NUP214: variants seen among roughly 807,000 people sequenced by gnomAD.
The protein encoded by NUP214 is nucleoporin 214, also known as nuclear pore complex protein Nup214.
NUP214 carries 79 observed loss-of-function variants against 196.2 expected under a neutral mutation model. That is an observed-to-expected ratio of 0.40 (90% CI 0.34 to 0.49). The LOEUF (loss-of-function observed/expected upper bound fraction) is 0.49. Ranked by LOEUF, NUP214 falls within the 20% of genes least tolerant of loss-of-function variation. The pLI is 0.58. For missense variants in NUP214, 2,468 were observed against 2,539.0 expected, an observed-to-expected ratio of 0.97 and a Z score of 0.60; for synonymous variants, 1,020 against 990.5, an observed-to-expected ratio of 1.03 and a Z score of -0.56.
At chr9:131,155,035 G>A (rs866074307) in intron 17 of NUP214, among the ~76,000 whole-genome samples, 7 of 152,306 alleles carry the variant, frequency 4.6e-5, no homozygotes, top group South Asian at 2.1e-4. Flanking sequence ...GGATCAAATG[G>A]TAGGTACTTT....
intron 21 of NUP214, chr9:131,164,838 G>T (rs1832741652): frequency 6.6e-6 from 1 of 152,034 alleles, no homozygotes; most frequent in African/African-American, 2.4e-5. Context: ...TCAATTTAAA[G>T]AAAAATTTGT....
intron 17 of NUP214, among the ~76,000 whole-genome samples, chr9:131,152,778 GA>G (rs1211194724): frequency 6.6e-6 from 1 of 151,546 alleles, no homozygotes; most frequent in Admixed American, 6.6e-5. Context: ...CTTTTCTCTT[GA>G]AAAAAAATTT....
intron 17 of NUP214, among the ~76,000 whole-genome samples, chr9:131,155,134 C>T (rs1359411582): frequency 6.6e-6 from 1 of 152,190 alleles, no homozygotes; most frequent in Admixed American, 6.5e-5. Context: ...TCCCTTTTCA[C>T]CACATCCACA....
chr9:131,140,924 C>T (rs558842353), intron 11 of NUP214, among the ~76,000 whole-genome samples: 2 of 152,214 alleles, frequency 1.3e-5, no homozygotes, highest in South Asian at 2.1e-4. Flanking sequence ...TACTTTACTT[C>T]GGAGATGAAG....
rs1831428646 is a variant in NUP214 at position 131,128,380 on chromosome 9, A to G, written c.290A>G (p.His97Arg). 1 of 1,613,126 alleles carries G rather than the reference A, an allele frequency of 6.2e-7. No individual in the cohort carries two copies. The highest frequency in any genetic ancestry group is 8.5e-7 in the Non-Finnish European group (1 of 1,179,462). ...GTTCCTATGAAATTCCCAATCCATCACCTGGCCTTGAGCTGTGATAACCTC... is the reference window on the plus strand; with the variant it reads ...GTTCCTATGAAATTCCCAATCCATCGCCTGGCCTTGAGCTGTGATAACCTC... The part of the protein sequence containing the change: ...LLVPMKFPIH[H>R]LALSCDNLTL... Residue 97 changes from histidine (H) to arginine (R), a missense_variant, in exon 3 of 36, where the codon CAC becomes CGC. By Grantham distance (29) the His-to-Arg change is conservative. Around this residue, in one of 5 missense-constraint regions of NUP214, gnomAD observed 392 missense variants for 417.9 expected, o/e 0.94. Coordinates refer to ENST00000359428, the MANE Select transcript of NUP214 (RefSeq NM_005085.4).
Position 131,150,416 on chromosome 9 carries a change from T to C in NUP214, c.2127+6T>C. 1.2e-6 allele frequency: 2 copies of C among 1,613,930 alleles called. No individual in the cohort carries two copies. The highest frequency in any genetic ancestry group is 1.7e-6 in the Non-Finnish European group (2 of 1,179,864). On this transcript the variant is annotated splice_donor_region_variant and intron_variant, in intron 15 of 35. Transcript: ENST00000359428. ...TGGCTGGAATTGGGGAGGAGGTAAA[T>C]TTGTTTCCTGAGGGTGTTTTTCTGA...
intron 12 of NUP214, among the ~76,000 whole-genome samples, chr9:131,145,171 GAC>G (rs915468561): frequency 1.3e-5 from 2 of 152,140 alleles, no homozygotes. Flanking sequence ...GTCATCTTGT[GAC>G]ACTGTAAATT....
chr9:131,195,132 C>G (rs1003482529), intron 27 of NUP214, 101 bp from the exon 28 acceptor site: 3 of 812,788 alleles, frequency 3.7e-6, no homozygotes, highest in Non-Finnish European at 6.0e-6. Context: ...TTGTAAATTC[C>G]TGAGGGCGGT....
At chr9:131,199,431 C>G (rs1050553375) in intron 29 of NUP214, among the ~76,000 whole-genome samples, 7 of 152,198 alleles carry the variant, frequency 4.6e-5, no homozygotes, top group African/African-American at 1.7e-4. Flanking sequence ...GCCAGTGGAA[C>G]CAGCAGGAGA....
chr9:131,220,001 G>A (rs1450049385), intron 31 of NUP214, among the ~76,000 whole-genome samples: 1 of 152,044 alleles, frequency 6.6e-6, no homozygotes, highest in Non-Finnish European at 1.5e-5. Context: ...ATTCAGATTG[G>A]GTCAGGCCCT....
At chr9:131,223,769 C>T (rs1336897201) in intron 32 of NUP214, among the ~76,000 whole-genome samples, 1 of 22,054 alleles carries the variant, frequency 4.5e-5, no homozygotes, top group Non-Finnish European at 1.1e-4. Context: ...GAGTCTCGCT[C>T]TGTCGCCCAG....
At chr9:131,193,629 C>CTTTTTTTTTTTTTTCTTTTTTTTTTT (rs1833679602) in intron 27 of NUP214, among the ~76,000 whole-genome samples, 1 of 28,218 alleles carries the variant, frequency 3.5e-5, no homozygotes, top group Non-Finnish European at 6.5e-5. Context: ...TCTTCCTTTT[C>CTTTTTTTTTTTTTTCTTTTTTTTTTT]TTTTTTTTTT....
chr9:131,217,183 A>G (rs907429395), intron 31 of NUP214, among the ~76,000 whole-genome samples: 1 of 152,194 alleles, frequency 6.6e-6, no homozygotes, highest in South Asian at 2.1e-4. Context: ...CCCCATCTCA[A>G]AAACCAAACA....
intron 31 of NUP214, among the ~76,000 whole-genome samples, chr9:131,216,211 TTC>T (rs1491357920): frequency 1.4e-5 from 2 of 147,964 alleles, no homozygotes; most frequent in African/African-American, 2.5e-5. Flanking sequence ...ATTTTAAAAA[TTC>T]TTTTTTTTTT....
At chr9:131,230,589 G>C (rs1160644982) in intron 33 of NUP214, 41 bp from the exon 34 acceptor site, 1 of 1,611,032 alleles carries the variant, frequency 6.2e-7, no homozygotes. Flanking sequence ...CAAGTGGTGA[G>C]AGGCCCCACT....
In NUP214 at chr9:131,197,976, A is replaced by G; in HGVS notation, c.4482A>G (p.Glu1494=). The G allele has an allele frequency of 6.2e-7, 1 of 1,614,210 alleles. No homozygotes were observed. Among genetic ancestry groups the G allele is most frequent in the Non-Finnish European group, 8.5e-7 (1 of 1,180,028 alleles). The change falls in exon 29 of 36, where the codon GAA becomes GAG. Residue 1494 remains glutamate (E), a synonymous_variant. Transcript: ENST00000359428. The part of the protein sequence containing the change: ...SLPMSAGRST[E]EATSSALPEK... ...CTATGTCCGCTGGCAGAAGCACAGA[A>G]GAGGCCACTTCATCAGCTTTGCCTG...
At chr9:131,184,305 C>T (rs1833387076) in intron 24 of NUP214, among the ~76,000 whole-genome samples, 1 of 147,752 alleles carries the variant, frequency 6.8e-6, no homozygotes, top group African/African-American at 2.5e-5. Context: ...GCTGGGACTA[C>T]ACGCGTGAGA....
chr9:131,142,393 G>C (rs1225751700), intron 11 of NUP214, among the ~76,000 whole-genome samples: 1 of 152,220 alleles, frequency 6.6e-6, no homozygotes, highest in African/African-American at 2.4e-5. Flanking sequence ...GTTCAGATGT[G>C]TAGAAGAGAG....
chr9:131,146,204 C>T lies in NUP214; in HGVS notation c.1845C>T (p.Ala615=). ...SAPPMSPFSS[A]SKPAASGPLS... Reference sequence around the variant, plus strand: ...CCCCGATGTCGCCATTCTCTTCTGCCTCCAAGCCAGCTGCTTCTGGACCAC... The same window carrying T: ...CCCCGATGTCGCCATTCTCTTCTGCTTCCAAGCCAGCTGCTTCTGGACCAC... Residue 615 remains alanine (A), a synonymous_variant, in exon 13 of 36, where the codon GCC becomes GCT. Coordinates refer to ENST00000359428, the MANE Select transcript of NUP214 (RefSeq NM_005085.4). The surrounding 1 kb of genome is among the most constrained non-coding windows in gnomAD (Gnocchi z 4.6). 2 of 1,614,176 alleles carry T rather than the reference C, an allele frequency of 1.2e-6. No homozygotes were observed. The highest frequency in any genetic ancestry group is 1.7e-6 in the Non-Finnish European group (2 of 1,180,042).
Sources: gnomAD v4.1 joint callset for allele counts (sites outside exome capture counted in the v4.1 genomes callset) on GRCh38, gnomAD v4.1.1 for gene constraint, gnomAD v4.1.1 regional missense constraint, Gnocchi (gnomAD v3.1) non-coding constraint, MANE v1.5 for transcripts, NCBI Gene and HGNC (gene_info 2026-07-23, HGNC 2026-07-21) for gene names.